The following MEIS1 variants were observed in gnomAD, a reference collection of about 807,000 sequenced individuals.
The protein encoded by MEIS1 is homeobox protein Meis1.
Under a neutral mutation model 50.8 loss-of-function variants are expected in MEIS1, and 5 were observed. The observed-to-expected ratio is 0.10, with a 90% CI of 0.05 to 0.21. The LOEUF is 0.21. Ranked by LOEUF, MEIS1 falls within the 10% of genes least tolerant of loss-of-function variation. The pLI is 1.00. For synonymous variants in MEIS1, 176 were observed against 179.3 expected, an observed-to-expected ratio of 0.98 and a Z score of 0.15; for missense variants, 318 against 517.3, an observed-to-expected ratio of 0.61 and a Z score of 3.74.
intron 8 of MEIS1, among the ~76,000 whole-genome samples, chr2:66,514,899 G>A (rs990418198): frequency 1.3e-5 from 2 of 152,070 alleles, no homozygotes; most frequent in Non-Finnish European, 2.9e-5. Context: ...TTATAGTAAG[G>A]AGCTAATTTT....
intron 4 of MEIS1, 36 bp from the exon 5 acceptor site, chr2:66,441,378 A>T: frequency 6.5e-7 from 1 of 1,528,972 alleles, no homozygotes; most frequent in Non-Finnish European, 8.8e-7. Flanking sequence ...TCTGCAAGCC[A>T]GGAATGGGGT....
At chr2:66,534,966 T>A (rs1674483823) in intron 8 of MEIS1, among the ~76,000 whole-genome samples, 1 of 152,238 alleles carries the variant, frequency 6.6e-6, no homozygotes, top group African/African-American at 2.4e-5. Context: ...GTGATGGTTT[T>A]GTTTGATTTT....
intron 8 of MEIS1, among the ~76,000 whole-genome samples, chr2:66,515,183 A>G (rs573121420): frequency 6.6e-6 from 1 of 152,342 alleles, no homozygotes; most frequent in East Asian, 1.9e-4. Flanking sequence ...AATTAAAACA[A>G]TAGCAATACC....
chr2:66,522,998 A>G (rs1674162781), intron 8 of MEIS1, among the ~76,000 whole-genome samples: 1 of 152,212 alleles, frequency 6.6e-6, no homozygotes, highest in East Asian at 1.9e-4. Context: ...TAATGTCTAG[A>G]TATTTATTCT....
chr2:66,445,089 T>C (rs975627572), intron 6 of MEIS1: 2 of 152,188 alleles, frequency 1.3e-5, no homozygotes, highest in Admixed American at 6.5e-5. Flanking sequence ...ATGCAAATAT[T>C]GGTATGCAAT....
intron 7 of MEIS1, among the ~76,000 whole-genome samples, chr2:66,503,195 A>G (rs146842885): frequency 1.4e-4 from 21 of 152,316 alleles, no homozygotes; most frequent in African/African-American, 4.8e-4. Flanking sequence ...CGCAATGGAG[A>G]GGACACTCAT....
At chr2:66,512,706 AT>A (rs1477480953) in intron 8 of MEIS1, among the ~76,000 whole-genome samples, 1 of 152,224 alleles carries the variant, frequency 6.6e-6, no homozygotes, top group Non-Finnish European at 1.5e-5. Flanking sequence ...GTCCACAAAA[AT>A]TTAAATCATG....
chr2:66,570,964 G>A (rs1285276263), intron 12 of MEIS1: 2 of 359,916 alleles, frequency 5.6e-6, no homozygotes, highest in Non-Finnish European at 1.0e-5. Flanking sequence ...TGCTTCTTCA[G>A]ACCAGACCTC....
intron 9 of MEIS1, among the ~76,000 whole-genome samples, chr2:66,558,962 C>A (rs182095738): frequency 6.6e-6 from 1 of 151,946 alleles, no homozygotes; most frequent in African/African-American, 2.4e-5. Flanking sequence ...GACAACATGG[C>A]GAAACCCTGT....
intron 7 of MEIS1, among the ~76,000 whole-genome samples, chr2:66,479,576 A>G (rs1156843769): frequency 6.6e-6 from 1 of 152,234 alleles, no homozygotes; most frequent in Admixed American, 6.5e-5. Flanking sequence ...TGTTTCAGAG[A>G]TGAAGATCTT....
intron 7 of MEIS1, among the ~76,000 whole-genome samples, chr2:66,476,557 C>T (rs1423019269): frequency 6.6e-6 from 1 of 152,120 alleles, no homozygotes; most frequent in East Asian, 1.9e-4. Flanking sequence ...TTTAGTATAT[C>T]ATAGGTTAAG....
chr2:66,511,022 T>TA (rs1307822597), intron 7 of MEIS1, among the ~76,000 whole-genome samples: 3 of 152,244 alleles, frequency 2.0e-5, no homozygotes, highest in Non-Finnish European at 2.9e-5. Flanking sequence ...ATTTTTTTTT[T>TA]ACCTCATTTC....
At chr2:66,498,701 C>T (rs763068138) in intron 7 of MEIS1, among the ~76,000 whole-genome samples, 3 of 152,308 alleles carry the variant, frequency 2.0e-5, no homozygotes, top group Middle Eastern at 3.4e-3. Flanking sequence ...GCTGTCCCCA[C>T]GTCCCACTTC....
intron 8 of MEIS1, among the ~76,000 whole-genome samples, chr2:66,531,318 A>C (rs920127017): frequency 1.3e-5 from 2 of 152,220 alleles, no homozygotes; most frequent in Non-Finnish European, 2.9e-5. Context: ...ACTCATCACC[A>C]TATACAAAGA....
chr2:66,551,731 A>C (rs1674926670), intron 9 of MEIS1, among the ~76,000 whole-genome samples: 1 of 151,924 alleles, frequency 6.6e-6, no homozygotes, highest in African/African-American at 2.4e-5. Context: ...GTTGACTTAG[A>C]TTTAAAAGTG....
At chr2:66,538,663 A>G (rs752829885) in intron 8 of MEIS1, among the ~76,000 whole-genome samples, 7 of 152,192 alleles carry the variant, frequency 4.6e-5, no homozygotes, top group South Asian at 2.1e-4. Context: ...AATAGCATTC[A>G]TATGTTTTTA....
intron 9 of MEIS1, among the ~76,000 whole-genome samples, chr2:66,551,256 T>C (rs1271736303): frequency 6.6e-6 from 1 of 152,166 alleles, no homozygotes; most frequent in African/African-American, 2.4e-5. Context: ...ATCACTGAAC[T>C]AATTTTACAT....
chr2:66,438,543 C>T (rs990282726), intron 2 of MEIS1, among the ~76,000 whole-genome samples: 2 of 152,202 alleles, frequency 1.3e-5, no homozygotes, highest in African/African-American at 2.4e-5. Context: ...TTGTTACACA[C>T]ATTAAGAAAC....
intron 7 of MEIS1, among the ~76,000 whole-genome samples, chr2:66,486,480 A>G (rs1218328526): frequency 6.6e-6 from 1 of 152,166 alleles, no homozygotes; most frequent in African/African-American, 2.4e-5. Context: ...TACCAGTACC[A>G]TGCTGTTTTG....
Sources: gnomAD v4.1 joint callset for allele counts (sites outside exome capture counted in the v4.1 genomes callset) on GRCh38, gnomAD v4.1.1 for gene constraint, MANE v1.5 for transcripts, NCBI Gene and HGNC (gene_info 2026-07-23, HGNC 2026-07-21) for gene names.